Variants in GALNT17 observed in about 807,000 individuals in gnomAD.
GALNT17 encodes the protein polypeptide N-acetylgalactosaminyltransferase 17, also known as UDP-GalNAc:polypeptide N-acetylgalactosaminyltransferase-like 3.
Under a neutral mutation model 63.7 loss-of-function variants are expected in GALNT17, and 29 were observed. That is an observed-to-expected ratio of 0.46 (90% CI 0.34 to 0.62). GALNT17 has a LOEUF of 0.62. GALNT17 is among the 20% of genes least tolerant of loss of function. The pLI, the probability that GALNT17 is intolerant of heterozygous loss-of-function variation, is 0.01. For synonymous variants in GALNT17, 305 were observed against 318.3 expected (o/e 0.96, Z 0.45); for missense variants, 603 against 799.6 (o/e 0.75, Z 2.97).
At chr7:71,146,401 C>G (rs1788024362) in intron 1 of GALNT17, among the ~76,000 whole-genome samples, 1 of 152,152 alleles carries the variant, frequency 6.6e-6, no homozygotes, top group Non-Finnish European at 1.5e-5. Flanking sequence ...CCTTAAGGGA[C>G]AAGAGATGGA....
chr7:71,228,590 T>G (rs1789724658), intron 1 of GALNT17, among the ~76,000 whole-genome samples: 2 of 152,230 alleles, frequency 1.3e-5, no homozygotes, highest in African/African-American at 4.8e-5. Flanking sequence ...CCTTGTCTCT[T>G]GCAGGTTCCC....
intron 1 of GALNT17, among the ~76,000 whole-genome samples, chr7:71,213,625 T>C (rs990300): frequency 0.37 from 56,675 of 152,096 alleles, 10,899 homozygotes; most frequent in South Asian, 0.53. Flanking sequence ...GAATACTTTT[T>C]ATCCATGTGT....
chr7:71,496,793 C>CG (rs1421168537), intron 5 of GALNT17, among the ~76,000 whole-genome samples: 1 of 144,896 alleles, frequency 6.9e-6, no homozygotes, highest in African/African-American at 2.5e-5. Context: ...GGGTGGGGAG[C>CG]GGGGGGCGGA....
chr7:71,374,144 T>C (rs1348364864), intron 2 of GALNT17, among the ~76,000 whole-genome samples: 1 of 152,040 alleles, frequency 6.6e-6, no homozygotes, highest in Non-Finnish European at 1.5e-5. Flanking sequence ...ACAGAAGCAA[T>C]AAAAAATTCC....
At chr7:71,152,760 G>A (rs1046993638) in intron 1 of GALNT17, among the ~76,000 whole-genome samples, 12 of 151,942 alleles carry the variant, frequency 7.9e-5, no homozygotes, top group South Asian at 2.1e-4. Context: ...AGCCTCCTGA[G>A]TAGCTAGGAT....
At chr7:71,705,755 A>G (rs919033724) in intron 9 of GALNT17, among the ~76,000 whole-genome samples, 2 of 152,198 alleles carry the variant, frequency 1.3e-5, no homozygotes, top group African/African-American at 4.8e-5. Context: ...GCTGGAAGAC[A>G]TTGTGCAGGA....
chr7:71,322,006 C>T (rs1791626421), intron 1 of GALNT17, among the ~76,000 whole-genome samples: 1 of 83,916 alleles, frequency 1.2e-5, no homozygotes, highest in African/African-American at 4.7e-5. Flanking sequence ...GGCTGGAGTA[C>T]AGTGGCACAA....
chr7:71,234,773 G>A (rs1049511830), intron 1 of GALNT17, among the ~76,000 whole-genome samples: 2 of 152,152 alleles, frequency 1.3e-5, no homozygotes, highest in Admixed American at 1.3e-4. Flanking sequence ...CACTGTTCAA[G>A]CAGGTTTCCA....
In GALNT17 at chr7:71,366,450, G is replaced by A. The variant is rs192638637; in HGVS notation, c.423-21785G>A. Among the ~76,000 whole-genome samples, 387 of 152,200 alleles carry A rather than the reference G, an allele frequency of 2.5e-3. 2 individuals are homozygous for A. Among genetic ancestry groups the A allele is most frequent in the Middle Eastern group, 0.017 (5 of 294 alleles). ...ACAAAAATTAGCTAGGCATGGTGGC[G>A]GGCGCCTGTAATCCCAGTTACTCGG... On this transcript the variant is annotated intron_variant, in intron 2 of 10. Coordinates refer to ENST00000333538, the MANE Select transcript of GALNT17 (RefSeq NM_022479.3).
intron 1 of GALNT17, among the ~76,000 whole-genome samples, chr7:71,167,214 TC>T (rs929266231): frequency 1.3e-5 from 2 of 151,974 alleles, no homozygotes; most frequent in African/African-American, 4.8e-5. Context: ...AACTGTTTTT[TC>T]CGTTTTATAT....
intron 1 of GALNT17, among the ~76,000 whole-genome samples, chr7:71,203,303 C>T (rs1044503947): frequency 1.3e-5 from 2 of 152,172 alleles, no homozygotes; most frequent in East Asian, 3.8e-4. Context: ...ACATCCAACA[C>T]TTATCTTTCG....
intron 9 of GALNT17, among the ~76,000 whole-genome samples, chr7:71,692,858 C>A (rs1791476409): frequency 6.6e-6 from 1 of 151,632 alleles, no homozygotes; most frequent in East Asian, 1.9e-4. Context: ...TCTGCCTCAG[C>A]CTCCAGAGTA....
At chr7:71,674,841 A>G (rs1412940900) in intron 8 of GALNT17, among the ~76,000 whole-genome samples, 2 of 152,128 alleles carry the variant, frequency 1.3e-5, no homozygotes, top group Admixed American at 1.3e-4. Flanking sequence ...ACGCTTAGGG[A>G]AGGAGTCATC....
chr7:71,581,061 G>A (rs1050336937), intron 6 of GALNT17, among the ~76,000 whole-genome samples: 12 of 152,134 alleles, frequency 7.9e-5, no homozygotes, highest in East Asian at 5.8e-4. Flanking sequence ...CTCAGGAAAC[G>A]TACAATCATG....
chr7:71,663,125 T>C lies in GALNT17; in HGVS notation c.1081-2286T>C, dbSNP rs116678950. On this transcript the variant is annotated intron_variant, in intron 6 of 10. Transcript: ENST00000333538. ...AGTAGCTTTGTATTAAATTTTGAAATTGGGGAGTGAAGTCCTCCCAGTTTG... is the reference window on the plus strand; with the variant it reads ...AGTAGCTTTGTATTAAATTTTGAAACTGGGGAGTGAAGTCCTCCCAGTTTG... Among the ~76,000 whole-genome samples the C allele has an allele frequency of 4.6e-3, 706 of 152,274 alleles. 7 individuals are homozygous for C. Among genetic ancestry groups the C allele is most frequent in the African/African-American group, 0.016 (661 of 41,558 alleles).
At chr7:71,456,850 A>C (rs1040233610) in intron 5 of GALNT17, among the ~76,000 whole-genome samples, 2 of 152,166 alleles carry the variant, frequency 1.3e-5, no homozygotes, top group African/African-American at 2.4e-5. Context: ...GGTGCAGCTT[A>C]CTTTTATACA....
chr7:71,677,399 C>A, intron 9 of GALNT17, 93 bp downstream of exon 9: 2 of 1,240,392 alleles, frequency 1.6e-6, no homozygotes, highest in South Asian at 1.4e-5. Flanking sequence ...TTGTTGCTGT[C>A]TACCTTGGTA....
intron 3 of GALNT17, among the ~76,000 whole-genome samples, chr7:71,401,820 T>C (rs1191762212): frequency 2.6e-5 from 4 of 152,140 alleles, no homozygotes. Flanking sequence ...TACATTATGG[T>C]GAGTTGTAGA....
chr7:71,416,161 G>A (rs1168271755), intron 4 of GALNT17, 98 bp downstream of exon 4: 25 of 1,365,198 alleles, frequency 1.8e-5, no homozygotes, highest in Admixed American at 4.9e-5. Context: ...GTTACCTGTA[G>A]TGGCACTGGG....
Sources: allele counts gnomAD v4.1 joint callset (sites outside exome capture counted in the v4.1 genomes callset), GRCh38; gene constraint gnomAD v4.1.1; transcripts MANE v1.5; gene names NCBI Gene and HGNC (gene_info 2026-07-23, HGNC 2026-07-21).